The following HCFC2 variants were observed in gnomAD, a reference collection of about 807,000 sequenced individuals.
HCFC2 encodes host cell factor C2, also known as host cell factor 2.
HCFC2 carries 18 observed loss-of-function variants against 89.2 expected under a neutral mutation model. The ratio of observed to expected loss-of-function variants is 0.20; its 90% confidence interval spans 0.14 to 0.30. The LOEUF is 0.30. HCFC2 is among the 10% of genes least tolerant of loss of function. The probability of loss-of-function intolerance (pLI) is 1.00; values close to 1 mark genes in which losing one functional copy is unlikely to be tolerated. For missense variants in HCFC2, 578 were observed against 956.1 expected (o/e 0.60, Z 5.21); for synonymous variants, 308 against 335.7 (o/e 0.92, Z 0.90).
intron 12 of HCFC2, among the ~76,000 whole-genome samples, chr12:104,097,112 A>G (rs1565815474): frequency 2.0e-5 from 3 of 152,144 alleles, no homozygotes; most frequent in Non-Finnish European, 4.4e-5. Context: ...TAATACATAC[A>G]TATATGTACT....
chr12:104,068,147 T>A lies in HCFC2; in HGVS notation c.473+40T>A. The A allele has an allele frequency of 3.4e-6, 5 of 1,486,710 alleles. No individual in the cohort carries two copies. Among genetic ancestry groups the A allele is most frequent in the Non-Finnish European group, 3.6e-6 (4 of 1,110,614 alleles). 92.1% of individuals were successfully genotyped at this position (1,486,710 alleles called of 1,614,324 possible). A position where few individuals can be genotyped will look rare whatever the true frequency, so the allele number is the denominator to read the frequency against. ...TCAGACCAAATGCTTATTTTATGATTTAGAGTAGGAACATTTTATTTTTTC... is the reference window on the plus strand; with the variant it reads ...TCAGACCAAATGCTTATTTTATGATATAGAGTAGGAACATTTTATTTTTTC... On this transcript the variant is annotated intron_variant, in intron 3 of 14. Transcript: ENST00000229330. This position sits in a 1 kb window ranked among gnomAD's most constrained non-coding sequence, Gnocchi z 4.1.
chr12:104,105,079 C>A lies in HCFC2; in HGVS notation c.*1806C>A, dbSNP rs1447267969. On this transcript the variant is annotated 3_prime_UTR_variant, in exon 15 of 15. Coordinates refer to ENST00000229330, the MANE Select transcript of HCFC2 (RefSeq NM_013320.3). Reference sequence around the variant, plus strand: ...ATGTTTGTAATCATTTGTCTAGCTTCTGTAATGTATCTGATATAGGCTAAA... The same window carrying A: ...ATGTTTGTAATCATTTGTCTAGCTTATGTAATGTATCTGATATAGGCTAAA... 8 of 152,056 alleles carry A rather than the reference C, an allele frequency of 5.3e-5. No homozygotes were observed. The allele number at this position is 152,056 out of a possible 1,614,324, so 9.4% of individuals were successfully genotyped here.
chr12:104,087,431 G>GTA (rs142803479), intron 8 of HCFC2, among the ~76,000 whole-genome samples: 1 of 105,224 alleles, frequency 9.5e-6, no homozygotes, highest in African/African-American at 3.2e-5. Context: ...GTGTGTGTGT[G>GTA]TGTGTGTGTG....
intron 4 of HCFC2, 57 bp from the exon 5 acceptor site, chr12:104,080,689 T>C: frequency 1.0e-6 from 1 of 990,664 alleles, no homozygotes; most frequent in Non-Finnish European, 1.5e-6. Context: ...ATTATGGAAG[T>C]TGAGGTAATT....
At chr12:104,082,447 C>A in intron 5 of HCFC2, 53 bp from the exon 6 acceptor site, 1 of 1,173,728 alleles carries the variant, frequency 8.5e-7, no homozygotes, top group East Asian at 2.3e-5. Context: ...ACTTCAAATC[C>A]AAGAAGTAAA....
In HCFC2 at chr12:104,095,309, C is replaced by CAATTATCTGCAGAT; in HGVS notation, c.1463-49_1463-36dup. 1 of 1,370,084 alleles carries CAATTATCTGCAGAT rather than the reference C, an allele frequency of 7.3e-7. No homozygotes were observed. The highest frequency in any genetic ancestry group is 1.0e-6 in the Non-Finnish European group (1 of 966,470). The allele number at this position is 1,370,084 out of a possible 1,614,324, so 84.9% of individuals were successfully genotyped here. Reference sequence around the variant, plus strand: ...ATATGACAAGAACGATAAGACACAACAATTATCTGCAGATATCATATTAAT... The same window carrying CAATTATCTGCAGAT: ...ATATGACAAGAACGATAAGACACAACAATTATCTGCAGATAATTATCTGCAGATATCATATTAAT... On this transcript the variant is annotated intron_variant, in intron 10 of 14. Coordinates refer to ENST00000229330, the MANE Select transcript of HCFC2 (RefSeq NM_013320.3). This position sits in a 1 kb window ranked among gnomAD's most constrained non-coding sequence, Gnocchi z 4.2.
intron 11 of HCFC2, among the ~76,000 whole-genome samples, chr12:104,096,153 A>G (rs546410801): frequency 4.4e-4 from 67 of 152,294 alleles, no homozygotes; most frequent in Middle Eastern, 3.4e-3. Flanking sequence ...TTTTGAGTTA[A>G]AGGGTCAATA....
At chr12:104,082,357 C>T (rs1358792885) in intron 5 of HCFC2, 143 bp from the exon 6 acceptor site, 1 of 526,676 alleles carries the variant, frequency 1.9e-6, no homozygotes, top group African/African-American at 1.9e-5. Context: ...TCTTCTTATT[C>T]CCATTACCTT....
intron 12 of HCFC2, chr12:104,097,562 T>TA (rs1156650961): frequency 7.5e-6 from 4 of 531,106 alleles, no homozygotes; most frequent in Non-Finnish European, 9.6e-6. Context: ...GCCTAAATAT[T>TA]AAAAAAATGT....
intron 12 of HCFC2, among the ~76,000 whole-genome samples, chr12:104,096,834 G>A (rs1275219180): frequency 6.6e-6 from 1 of 152,010 alleles, no homozygotes; most frequent in Non-Finnish European, 1.5e-5. Flanking sequence ...ATACATATAT[G>A]TGTATATATG....
rs1296445229 is a variant in HCFC2, at chr12:104,080,834, T to C, written c.767+4T>C. On this transcript the variant is annotated splice_donor_region_variant and intron_variant, in intron 5 of 14. Transcript: ENST00000229330. ...CAGCCAGTGTTATAGGAAACAAGTA[T>C]GGTGGTTTTTTGTATTTTGCTTCTG... is the stretch of plus-strand genomic sequence containing the variant. 6.3e-7 allele frequency: 1 copy of C among 1,582,454 alleles called. No individual in the cohort carries two copies. The highest frequency in any genetic ancestry group is 1.2e-5 in the South Asian group (1 of 85,990).
Position 104,095,888 on chromosome 12 carries a change from A to C in HCFC2, c.1666+325A>C, listed in dbSNP as rs930930450. Among the ~76,000 whole-genome samples, 1 of 152,198 alleles carries C rather than the reference A, an allele frequency of 6.6e-6. No individual in the cohort carries two copies. The highest frequency in any genetic ancestry group is 6.5e-5 in the Admixed American group (1 of 15,284). On this transcript the variant is annotated intron_variant, in intron 11 of 14. Transcript: ENST00000229330. The surrounding 1 kb of genome is among the most constrained non-coding windows in gnomAD (Gnocchi z 4.2). The stretch of plus-strand genomic sequence containing the variant: ...AATTATTTTATAAAATATTCTCTGC[A>C]TAAAATATTTAGATTAGCACACACT...
At chr12:104,065,437 AT>A (rs918971207) in intron 1 of HCFC2, among the ~76,000 whole-genome samples, 1 of 151,938 alleles carries the variant, frequency 6.6e-6, no homozygotes, top group South Asian at 2.1e-4. Flanking sequence ...ACTGGATTTA[AT>A]TTTTTTTTCC....
chr12:104,076,982 ACGTG>A (rs1399340851), intron 3 of HCFC2, among the ~76,000 whole-genome samples: 1 of 152,112 alleles, frequency 6.6e-6, no homozygotes, highest in Admixed American at 6.6e-5. Flanking sequence ...GTGTTCGTGT[ACGTG>A]CGTGTTTATA....
chr12:104,094,438 C>A (rs1422446173), intron 10 of HCFC2, among the ~76,000 whole-genome samples: 1 of 152,040 alleles, frequency 6.6e-6, no homozygotes, highest in Non-Finnish European at 1.5e-5. Context: ...GAGGCATGAT[C>A]TATGCCTGCC....
rs1001952893 is a variant in HCFC2 at position 104,087,914 on chromosome 12, T to C, written c.1232-72T>C. The stretch of plus-strand genomic sequence containing the variant: ...CTTTTTAAACTTTAATATGTAACTT[T>C]AAAAATATTTAATTATATTTTATTG... On this transcript the variant is annotated intron_variant, in intron 8 of 14. Coordinates refer to ENST00000229330, the MANE Select transcript of HCFC2 (RefSeq NM_013320.3). 38 of 835,016 alleles carry C rather than the reference T, an allele frequency of 4.6e-5. 1 individual carries two copies. Among genetic ancestry groups the C allele is most frequent in the East Asian group, 3.8e-4 (12 of 31,444 alleles). The allele number at this position is 835,016 out of a possible 1,614,324, so 51.7% of individuals were successfully genotyped here.
intron 4 of HCFC2, 107 bp downstream of exon 4, chr12:104,079,760 C>A: frequency 2.5e-6 from 2 of 810,342 alleles, no homozygotes; most frequent in Non-Finnish European, 4.1e-6. Flanking sequence ...TTATAACCAG[C>A]ACTTGTAGCC....
intron 9 of HCFC2, among the ~76,000 whole-genome samples, chr12:104,090,234 G>T (rs1172237582): frequency 6.6e-6 from 1 of 152,192 alleles, no homozygotes; most frequent in Non-Finnish European, 1.5e-5. Flanking sequence ...TATATTGGAA[G>T]TTTTTCCCTC....
chr12:104,093,477 A>C lies in HCFC2; in HGVS notation c.1376A>C (p.Asp459Ala). The C allele has an allele frequency of 6.2e-7, 1 of 1,613,372 alleles. No homozygotes were observed. The highest frequency in any genetic ancestry group is 8.5e-7 in the Non-Finnish European group (1 of 1,179,500). Residue 459 changes from aspartate (D) to alanine (A), a missense_variant, in exon 10 of 15, where the codon GAT becomes GCT. This residue lies in a region of HCFC2 where 210 missense variants were observed against 251.7 expected (regional missense o/e 0.83). Coordinates refer to ENST00000229330, the MANE Select transcript of HCFC2 (RefSeq NM_013320.3). ...KNKPDFKALT[D>A]SNAILYPSLA... The stretch of plus-strand genomic sequence containing the variant: ...AAACCAGACTTTAAAGCACTGACGG[A>C]TTCTAATGCCATTTTATATCCATCT...
Sources: gnomAD v4.1 joint callset for allele counts (sites outside exome capture counted in the v4.1 genomes callset) on GRCh38, gnomAD v4.1.1 for gene constraint, gnomAD v4.1.1 regional missense constraint, Gnocchi (gnomAD v3.1) non-coding constraint, MANE v1.5 for transcripts, NCBI Gene and HGNC (gene_info 2026-07-23, HGNC 2026-07-21) for gene names.